PHIP: variants seen among roughly 807,000 people sequenced by gnomAD.
PHIP encodes the protein PH-interacting protein.
In PHIP, 54 loss-of-function variants were observed where a neutral mutation model predicts 236.8. The observed-to-expected ratio is 0.23, with a 90% confidence interval of 0.18 to 0.29. The LOEUF is 0.29. Among genes scored for constraint, PHIP ranks in the 10% least tolerant of loss-of-function variants. The pLI, the probability that PHIP is intolerant of heterozygous loss-of-function variation, is 1.00. For missense variants in PHIP, 1,370 were observed against 2,190.8 expected (o/e 0.63, Z 7.48); for synonymous variants, 756 against 718.9 (o/e 1.05, Z -0.83).
intron 27 of PHIP, among the ~76,000 whole-genome samples, chr6:78,967,939 C>G (rs1767251337): frequency 6.6e-6 from 1 of 151,908 alleles, no homozygotes; most frequent in Non-Finnish European, 1.5e-5. Flanking sequence ...TCAAGACCAT[C>G]CTGGCTAACG....
At chr6:79,045,210 G>A (rs1161756157) in intron 6 of PHIP, among the ~76,000 whole-genome samples, 1 of 152,056 alleles carries the variant, frequency 6.6e-6, no homozygotes, top group Non-Finnish European at 1.5e-5. Flanking sequence ...AAGACATACA[G>A]AAAGAACATA....
intron 15 of PHIP, among the ~76,000 whole-genome samples, chr6:79,012,589 G>A (rs984716290): frequency 2.6e-5 from 4 of 151,576 alleles, no homozygotes; most frequent in African/African-American, 9.7e-5. Flanking sequence ...CTTAACATTA[G>A]GGATTAAATT....
intron 10 of PHIP, 142 bp from the exon 11 acceptor site, chr6:79,017,725 A>G: frequency 5.1e-6 from 3 of 586,012 alleles, no homozygotes; most frequent in Admixed American, 3.1e-5. Flanking sequence ...TCCTAAATAT[A>G]TAACACATCT....
rs183606582 is a variant in PHIP at position 78,942,031 on chromosome 6, T to G, written c.4829-701A>C. 2.6e-5 allele frequency among the ~76,000 whole-genome samples: 4 copies of G among 152,330 alleles called. No individual in the cohort carries two copies. The East Asian group carries it at 7.7e-4, about 29-fold the overall frequency. On this transcript the variant is annotated intron_variant, in intron 39 of 39. Coordinates refer to ENST00000275034, the MANE Select transcript of PHIP (RefSeq NM_017934.7). Reference sequence around the variant, plus strand: ...CAGGAACTACCAGTAACTAACTCTCTTTCCCTCCAAATTTCTGACATGTTT... The same window carrying G: ...CAGGAACTACCAGTAACTAACTCTCGTTCCCTCCAAATTTCTGACATGTTT...
chr6:78,999,126 C>T (rs565012478), intron 17 of PHIP, among the ~76,000 whole-genome samples: 10 of 152,232 alleles, frequency 6.6e-5, no homozygotes, highest in Non-Finnish European at 1.0e-4. Context: ...TCAGGTAGAA[C>T]GCAAGAGGTA....
Position 78,972,425 on chromosome 6 carries a change from G to T in PHIP, c.2890-1537C>A, listed in dbSNP as rs532211619. 2.6e-5 allele frequency among the ~76,000 whole-genome samples: 4 copies of T among 152,192 alleles called. No homozygotes were observed. The South Asian group carries it at 8.3e-4, about 32-fold the overall frequency. ...AAAGTAGATAAAACCACAAAGATGG[G>T]GAAAAAACAGAACAGAAAAACTGGA... On this transcript the variant is annotated intron_variant, in intron 24 of 39. Transcript: ENST00000275034.
intron 20 of PHIP, among the ~76,000 whole-genome samples, chr6:78,989,572 A>G (rs2127722793): frequency 6.6e-6 from 1 of 152,334 alleles, no homozygotes; most frequent in East Asian, 1.9e-4. Context: ...TGACCACATA[A>G]ATAATAACTG....
At chr6:79,017,160 A>C (rs957259777) in intron 12 of PHIP, among the ~76,000 whole-genome samples, 186 bp downstream of exon 12, 2 of 152,030 alleles carry the variant, frequency 1.3e-5, no homozygotes, top group African/African-American at 4.8e-5. Flanking sequence ...AAGTATACTA[A>C]CATTATTACA....
At position 78,935,611 on chromosome 6, in the gene PHIP, A is replaced by T. The variant is rs1307815545; in HGVS notation, c.*5082T>A. ...ATTGTTTTATTAAATGTACACATAA[A>T]AAGGCATATAAGTTTTTGACCTTCA... On this transcript the variant is annotated 3_prime_UTR_variant, in exon 40 of 40. Transcript: ENST00000275034. The T allele has an allele frequency of 1.0e-6, 1 of 980,248 alleles. No individual in the cohort carries two copies. The highest frequency in any genetic ancestry group is 1.1e-4 in the East Asian group (1 of 8,796). 60.7% of individuals were successfully genotyped at this position (980,248 alleles called of 1,614,324 possible). A position where few individuals can be genotyped will look rare whatever the true frequency, so the allele number is the denominator to read the frequency against.
chr6:79,059,591 T>TTATATATATATATATATATATATATA (rs72226338), intron 6 of PHIP, among the ~76,000 whole-genome samples: 19 of 84,752 alleles, frequency 2.2e-4, no homozygotes, highest in African/African-American at 4.3e-4. Context: ...GAAAGCAAAA[T>TTATATATATATATATATATATATATA]TATATATATA....
At chr6:79,031,096 A>C (rs932291625) in intron 7 of PHIP, among the ~76,000 whole-genome samples, 2 of 152,108 alleles carry the variant, frequency 1.3e-5, no homozygotes. Context: ...GGCGTCCGCC[A>C]CCACACCCAG....
At chr6:79,077,668 G>T in intron 3 of PHIP, 32 bp downstream of exon 3, 2 of 968,060 alleles carry the variant, frequency 2.1e-6, no homozygotes, top group Non-Finnish European at 2.4e-6. Context: ...GCCGCGCGGC[G>T]GCGGGACGCG....
At chr6:78,971,836 C>T (rs554634870) in intron 24 of PHIP, among the ~76,000 whole-genome samples, 4 of 152,280 alleles carry the variant, frequency 2.6e-5, no homozygotes, top group South Asian at 2.1e-4. Context: ...TAAAAAACGG[C>T]GCACCACGAA....
chr6:79,057,901 G>T (rs116768613), intron 6 of PHIP, among the ~76,000 whole-genome samples: 89 of 152,082 alleles, frequency 5.9e-4, no homozygotes, highest in African/African-American at 2.0e-3. Flanking sequence ...ACTTTATAGC[G>T]ATAATAAAAC....
chr6:78,948,886 A>G (rs1313896720), intron 35 of PHIP, among the ~76,000 whole-genome samples: 1 of 152,230 alleles, frequency 6.6e-6, no homozygotes, highest in African/African-American at 2.4e-5. Context: ...ATGATCAAAT[A>G]CGTCTGACCA....
rs145866055 is a variant in PHIP at position 78,967,534 on chromosome 6, G to A, written c.3206-1478C>T. Among the ~76,000 whole-genome samples, 98 of 152,314 alleles carry A rather than the reference G, an allele frequency of 6.4e-4. 1 individual carries two copies. In the South Asian group the frequency reaches 8.1e-3, roughly 13 times the overall value. On this transcript the variant is annotated intron_variant, in intron 27 of 39. Coordinates refer to ENST00000275034, the MANE Select transcript of PHIP (RefSeq NM_017934.7). ...TGAGAGTAAGCCTTAATACATTTCC[G>A]AGGAGGGGCTGAAGTAAAAATTACT...
At chr6:78,988,121 A>T in intron 21 of PHIP, 88 bp downstream of exon 21, 1 of 971,400 alleles carries the variant, frequency 1.0e-6, no homozygotes, top group Non-Finnish European at 1.4e-6. Context: ...TACATCTACA[A>T]ACATATCAAT....
At chr6:78,979,398 T>C (rs1768354459) in intron 23 of PHIP, among the ~76,000 whole-genome samples, 1 of 152,044 alleles carries the variant, frequency 6.6e-6, no homozygotes, top group Admixed American at 6.6e-5. Flanking sequence ...TTTATAAACA[T>C]TCCATATAAC....
chr6:78,966,096 A>ATG, intron 27 of PHIP, 40 bp from the exon 28 acceptor site: 1 of 1,207,594 alleles, frequency 8.3e-7, no homozygotes, highest in Non-Finnish European at 1.2e-6. Context: ...TCTGAAATGC[A>ATG]TGGCTGCTGT....
Sources: gnomAD v4.1 joint callset for allele counts (sites outside exome capture counted in the v4.1 genomes callset) on GRCh38, gnomAD v4.1.1 for gene constraint, MANE v1.5 for transcripts, NCBI Gene and HGNC (gene_info 2026-07-23, HGNC 2026-07-21) for gene names.